The following RFC1 variants were observed in gnomAD, a reference collection of about 807,000 sequenced individuals.
RFC1 encodes the protein A1 140 kDa subunit.
In RFC1, 37 loss-of-function variants were observed where a neutral mutation model predicts 137.4. The observed-to-expected ratio is 0.27, with a 90% CI of 0.21 to 0.35. The LOEUF (loss-of-function observed/expected upper bound fraction) is 0.35. Ranked by LOEUF, RFC1 falls within the 10% of genes least tolerant of loss-of-function variation. The pLI, the probability that RFC1 is intolerant of heterozygous loss-of-function variation, is 1.00. For missense variants in RFC1, 1,205 were observed against 1,358.5 expected (o/e 0.89, Z 1.78); for synonymous variants, 429 against 455.7 (o/e 0.94, Z 0.75).
chr4:39,364,410 C>A (rs1481844719), intron 1 of RFC1, among the ~76,000 whole-genome samples: 2 of 152,100 alleles, frequency 1.3e-5, no homozygotes, highest in African/African-American at 4.8e-5. Context: ...ATACAAAATT[C>A]TTATCTACCT....
At chr4:39,353,397 CAA>C (rs11416030) in intron 1 of RFC1, among the ~76,000 whole-genome samples, 965 of 63,448 alleles carry the variant, frequency 0.015, 3 homozygotes, top group African/African-American at 0.051. Flanking sequence ...GAGACTGTCT[CAA>C]AAAAAAAAAA....
chr4:39,318,993 A>T (rs1739385114), intron 9 of RFC1, among the ~76,000 whole-genome samples: 1 of 152,208 alleles, frequency 6.6e-6, no homozygotes, highest in Non-Finnish European at 1.5e-5. Context: ...TATATTTCCT[A>T]GCAAAATTTT....
rs1737500612 is a variant in RFC1 at position 39,288,687 on chromosome 4, C to T, written c.*74G>A. On this transcript the variant is annotated 3_prime_UTR_variant, in exon 25 of 25. Coordinates refer to ENST00000349703, the MANE Select transcript of RFC1 (RefSeq NM_002913.5). ...AAAACATGGTTGCTCTGGGAAAAAA[C>T]AAGGCTTTCTCTAGACCAGCTGGAC... 1.1e-6 allele frequency: 1 copy of T among 943,374 alleles called. No homozygotes were observed. The highest frequency in any genetic ancestry group is 1.7e-6 in the Non-Finnish European group (1 of 593,240). The allele number at this position is 943,374 out of a possible 1,614,324, so 58.4% of individuals were successfully genotyped here. A position where few individuals can be genotyped will look rare whatever the true frequency, so the allele number is the denominator to read the frequency against.
At chr4:39,334,681 A>G (rs987147662) in intron 4 of RFC1, among the ~76,000 whole-genome samples, 15 of 152,378 alleles carry the variant, frequency 9.8e-5, no homozygotes, top group Non-Finnish European at 1.9e-4. Context: ...AATGATAAAC[A>G]GATCTAAGTC....
chr4:39,293,644 T>C (rs1016775577), intron 22 of RFC1, among the ~76,000 whole-genome samples: 2 of 152,064 alleles, frequency 1.3e-5, no homozygotes, highest in Non-Finnish European at 2.9e-5. Flanking sequence ...GGCCTAAATA[T>C]GACCCAACTA....
Position 39,300,267 on chromosome 4 carries a change from C to T in RFC1, c.2683G>A (p.Ala895Thr). ...QENYIHVKPV[A>T]AGGDMKKHLM... ...CCAGCTCTGGACACTCACCCTGCTG[C>T]TACAGGCTTCACGTGTATGTAATTT... is the stretch of plus-strand genomic sequence containing the variant. The change falls in exon 20 of 25, where the codon GCA becomes ACA. Residue 895 changes from alanine to threonine, a missense_variant. Physicochemically the swap from Ala to Thr is moderately conservative, Grantham distance 58. Coordinates refer to ENST00000349703, the MANE Select transcript of RFC1 (RefSeq NM_002913.5). 6.2e-7 allele frequency: 1 copy of T among 1,614,158 alleles called. No individual in the cohort carries two copies. Among genetic ancestry groups the T allele is most frequent in the South Asian group, 1.1e-5 (1 of 91,080 alleles).
chr4:39,301,246 G>A (rs556786114), intron 19 of RFC1, among the ~76,000 whole-genome samples: 128 of 152,326 alleles, frequency 8.4e-4, no homozygotes, highest in African/African-American at 2.9e-3. Context: ...TGGACACAGT[G>A]AAAGGATCAG....
At position 39,316,933 on chromosome 4, in the gene RFC1, G is replaced by T; in HGVS notation, c.1185C>A (p.Gly395=). ...CTCTTACCTTTGGTATTTCTTTGGA[G>T]CCCAGAGCCTTGGGACCTTCTCGAT... is the stretch of plus-strand genomic sequence containing the variant. ...YLNREGPKAL[G]SKEIPKGAEN... The change falls in exon 10 of 25, where the codon GGC becomes GGA. Residue 395 remains glycine, a synonymous_variant. Transcript: ENST00000349703. The T allele has an allele frequency of 6.2e-7, 1 of 1,613,050 alleles. No homozygotes were observed. Among genetic ancestry groups the T allele is most frequent in the Non-Finnish European group, 8.5e-7 (1 of 1,179,086 alleles).
Position 39,295,749 on chromosome 4 carries a change from G to C in RFC1, c.2819C>G (p.Ala940Gly), listed in dbSNP as rs764456357. 1.9e-6 allele frequency: 3 copies of C among 1,607,458 alleles called. No homozygotes were observed. In the African/African-American group the frequency reaches 4.0e-5, roughly 22 times the overall value. ...WSLLPAQAIY[A>G]SVLPGELMRG... ...CATCAACTCTCCAGGAAGAACACTG[G>C]CATAAATGGCCTGAAAAAAAATCAA... The change falls in exon 22 of 25, where the codon GCC becomes GGC. Residue 940 changes from alanine to glycine, a missense_variant. Around this residue, in one of 3 missense-constraint regions of RFC1, gnomAD observed 237 missense variants for 304.2 expected, o/e 0.78. Coordinates refer to ENST00000349703, the MANE Select transcript of RFC1 (RefSeq NM_002913.5).
At chr4:39,349,887 C>T (rs1741097844) in intron 2 of RFC1, among the ~76,000 whole-genome samples, 1 of 152,066 alleles carries the variant, frequency 6.6e-6, no homozygotes, top group African/African-American at 2.4e-5. Flanking sequence ...GCCTAAAATC[C>T]CAGCTACTTG....
intron 4 of RFC1, among the ~76,000 whole-genome samples, chr4:39,335,750 T>C (rs551073978): frequency 1.8e-4 from 27 of 152,190 alleles, no homozygotes; most frequent in African/African-American, 6.5e-4. Context: ...GTTAAGGGAG[T>C]GATTCTGCAA....
intron 4 of RFC1, among the ~76,000 whole-genome samples, chr4:39,334,683 A>T (rs1318832903): frequency 6.6e-6 from 1 of 152,224 alleles, no homozygotes; most frequent in Non-Finnish European, 1.5e-5. Context: ...TGATAAACAG[A>T]TCTAAGTCAA....
In RFC1 at chr4:39,308,957, T is replaced by C. The variant is rs1037054416; in HGVS notation, c.1564A>G (p.Lys522Glu). ...QGKRKISPSK[K>E]ESESKKSRPT... ...CTGCTCTTTTTAGATTCTGATTCCT[T>C]TTTAGATGGACTAATTTTTCTTTTT... is the stretch of plus-strand genomic sequence containing the variant. The change falls in exon 13 of 25, where the codon AAG becomes GAG. Residue 522 changes from lysine (K) to glutamate (E), a missense_variant. Around this residue, in one of 3 missense-constraint regions of RFC1, gnomAD observed 962 missense variants for 1,035.3 expected, o/e 0.93. Transcript: ENST00000349703. 8.7e-6 allele frequency: 14 copies of C among 1,613,664 alleles called. No homozygotes were observed. In the African/African-American group the frequency reaches 1.5e-4, roughly 17 times the overall value.
intron 10 of RFC1, 140 bp from the exon 11 acceptor site, chr4:39,313,071 T>C: frequency 1.5e-6 from 1 of 677,536 alleles, no homozygotes; most frequent in East Asian, 2.7e-5. Flanking sequence ...GCTGGAAATT[T>C]ACAGCAAATA....
At chr4:39,338,933 T>C (rs1740484761) in intron 4 of RFC1, among the ~76,000 whole-genome samples, 2 of 152,176 alleles carry the variant, frequency 1.3e-5, no homozygotes, top group Non-Finnish European at 2.9e-5. Context: ...CCAATGCCCC[T>C]GCAACCACTG....
intron 21 of RFC1, 101 bp from the exon 22 acceptor site, chr4:39,295,860 C>A: frequency 9.0e-7 from 1 of 1,109,596 alleles, no homozygotes; most frequent in Non-Finnish European, 1.3e-6. Flanking sequence ...TAAAGCAACA[C>A]TGTACCAAAT....
At chr4:39,330,052 T>A (rs1376642612) in intron 4 of RFC1, among the ~76,000 whole-genome samples, 1 of 151,888 alleles carries the variant, frequency 6.6e-6, no homozygotes, top group African/African-American at 2.4e-5. Flanking sequence ...AATTTTTTTT[T>A]AAATAAAAGA....
chr4:39,295,896 T>C (rs1265806746), intron 21 of RFC1, 137 bp from the exon 22 acceptor site: 20 of 651,112 alleles, frequency 3.1e-5, no homozygotes, highest in Non-Finnish European at 4.2e-5. Context: ...AGTCAGACCC[T>C]TTCTATAACT....
chr4:39,296,064 T>A (rs6531707), intron 21 of RFC1, among the ~76,000 whole-genome samples: 1 of 151,820 alleles, frequency 6.6e-6, no homozygotes, highest in African/African-American at 2.4e-5. Flanking sequence ...GATGCCAACG[T>A]CACAGCAAAT....
Sources: allele counts gnomAD v4.1 joint callset (sites outside exome capture counted in the v4.1 genomes callset), GRCh38; gene constraint gnomAD v4.1.1; regional missense constraint gnomAD v4.1.1; transcripts MANE v1.5; gene names NCBI Gene and HGNC (gene_info 2026-07-23, HGNC 2026-07-21).